STOML1: variants seen among roughly 807,000 people sequenced by gnomAD.
STOML1 encodes the protein stomatin-like protein 1.
In STOML1, 27 loss-of-function variants were observed where a neutral mutation model predicts 35.7. That is an observed-to-expected ratio of 0.76 (90% CI 0.56 to 1.04). The LOEUF (loss-of-function observed/expected upper bound fraction) is 1.04. Ranked by LOEUF, STOML1 falls within the 50% of genes least tolerant of loss-of-function variation. STOML1 has a pLI of 0.00. For synonymous variants in STOML1, 219 were observed against 227.9 expected (o/e 0.96, Z 0.35); for missense variants, 451 against 527.1 (o/e 0.86, Z 1.41).
chr15:73,988,400 G>A lies in STOML1; in HGVS notation c.594+199C>T. The A allele has an allele frequency of 1.6e-6, 1 of 638,534 alleles. No homozygotes were observed. Among genetic ancestry groups the A allele is most frequent in the Non-Finnish European group, 2.6e-6 (1 of 379,362 alleles). The allele number at this position is 638,534 out of a possible 1,614,324, so 39.6% of individuals were successfully genotyped here. On this transcript the variant is annotated intron_variant, in intron 4 of 6. Coordinates refer to ENST00000541638, the MANE Select transcript of STOML1 (RefSeq NM_004809.5). This position sits in a 1 kb window ranked among gnomAD's most constrained non-coding sequence, Gnocchi z 4.8. The stretch of plus-strand genomic sequence containing the variant: ...TCTTCTCAGGGACAAGTTTGCCCAG[G>A]ATCGTTATGGTCTACGCCCACCTGC...
Position 73,989,042 on chromosome 15 carries a change from T to C in STOML1, c.390+66A>G, listed in dbSNP as rs538764734. 93 of 1,520,144 alleles carry C rather than the reference T, an allele frequency of 6.1e-5. 1 individual carries two copies. In the South Asian group the frequency reaches 1.0e-3, roughly 17 times the overall value. 94.2% of individuals were successfully genotyped at this position (1,520,144 alleles called of 1,614,324 possible). A position where few individuals can be genotyped will look rare whatever the true frequency, so the allele number is the denominator to read the frequency against. On this transcript the variant is annotated intron_variant, in intron 3 of 6. Transcript: ENST00000541638. ...GATGGTGACTCACAGGCTGAGGTCC[T>C]GGCACCACAGTACATTCTGGACAGG...
intron 4 of STOML1, 91 bp from the exon 5 acceptor site, chr15:73,985,604 T>C (rs1476083197): frequency 1.4e-6 from 2 of 1,425,412 alleles, no homozygotes; most frequent in South Asian, 1.4e-5. Context: ...TGCATGGACA[T>C]GGAGGCACCA....
chr15:73,993,315 A>G (rs2069342071), upstream of STOML1, among the ~76,000 whole-genome samples: 2 of 152,202 alleles, frequency 1.3e-5, no homozygotes, highest in Admixed American at 1.3e-4. Flanking sequence ...TTAACTTCCA[A>G]CAGGACTTTG....
In STOML1 at chr15:73,990,455, C is replaced by T. The variant is rs1472040068; in HGVS notation, c.136G>A (p.Val46Ile). Residue 46 changes from valine (V) to isoleucine (I), a missense_variant and splice_region_variant, in exon 2 of 7, where the codon GTA (valine) becomes ATA (isoleucine). Physicochemically the swap from Val to Ile is conservative, Grantham distance 29. Transcript: ENST00000541638. ...ERGGVGTGAD[V>I]PQSWPSCLCH... The stretch of plus-strand genomic sequence containing the variant: ...AGGCAGGAGGGCCAGCTCTGGGGTA[C>T]ATCTGCAGGTGAGAGCAGAGGTGGT... 3.7e-6 allele frequency: 6 copies of T among 1,610,360 alleles called. No individual in the cohort carries two copies. Among genetic ancestry groups the T allele is most frequent in the Non-Finnish European group, 5.1e-6 (6 of 1,178,476 alleles).
Position 73,979,843 on chromosome 15 carries a change from CG to C in STOML1, c.*4093del, listed in dbSNP as rs1404518811. 2 of 142,030 alleles carry C rather than the reference CG, an allele frequency of 1.4e-5. No homozygotes were observed. The highest frequency in any genetic ancestry group is 3.0e-5 in the Non-Finnish European group (2 of 66,730). The allele number at this position is 142,030 out of a possible 1,614,324, so 8.8% of individuals were successfully genotyped here. On this transcript the variant is annotated 3_prime_UTR_variant, in exon 7 of 7. Coordinates refer to ENST00000541638, the MANE Select transcript of STOML1 (RefSeq NM_004809.5). ...TCATGCCTGTAATCCTAGCAGTTAG[CG>C]GGCCAGGGCCAGGTGGGAGGATCAC...
chr15:73,984,127 CG>C lies in STOML1; in HGVS notation c.1006del (p.Arg336GlufsTer39). The stretch of plus-strand genomic sequence containing the variant: ...AGGCACCCCGTGTCCCACTCTTCCT[CG>C]TCCTGTGGGGCAAAAGAAAACCGAG... ...SAYFLDLTTG[R>X]GRVGHGVPDG... On this transcript the variant is annotated frameshift_variant and splice_region_variant, in exon 7 of 7. Coordinates refer to ENST00000541638, the MANE Select transcript of STOML1 (RefSeq NM_004809.5). LOFTEE classifies it high-confidence loss of function. 1.2e-6 allele frequency: 2 copies of C among 1,609,408 alleles called. No individual in the cohort carries two copies. The highest frequency in any genetic ancestry group is 1.7e-6 in the Non-Finnish European group (2 of 1,176,516).
chr15:73,990,514 T>A, intron 1 of STOML1, 57 bp from the exon 2 acceptor site: 1 of 1,514,078 alleles, frequency 6.6e-7, no homozygotes, highest in Non-Finnish European at 9.0e-7. Flanking sequence ...CCAAGCGGAG[T>A]GAACTTGGGC....
rs1340864957 is a variant in STOML1, at chr15:73,983,025, A to G, written c.*912T>C. On this transcript the variant is annotated 3_prime_UTR_variant, in exon 7 of 7. Coordinates refer to ENST00000541638, the MANE Select transcript of STOML1 (RefSeq NM_004809.5). ...TGTATCCCACTACAAAGAGGAACAG[A>G]ACTCCCCACCCAGCCCCACCCTTGC... 5 of 152,148 alleles carry G rather than the reference A, an allele frequency of 3.3e-5. No individual in the cohort carries two copies. The highest frequency in any genetic ancestry group is 7.3e-5 in the Non-Finnish European group (5 of 68,058). 9.4% of individuals were successfully genotyped at this position (152,148 alleles called of 1,614,324 possible). A position where few individuals can be genotyped will look rare whatever the true frequency, so the allele number is the denominator to read the frequency against.
intron 5 of STOML1, 44 bp downstream of exon 5, chr15:73,985,274 C>A (rs779480839): frequency 1.0e-5 from 15 of 1,498,976 alleles, no homozygotes; most frequent in African/African-American, 2.8e-5. Context: ...TGTGCTGGCA[C>A]CAAGCTGGTA....
chr15:73,984,703 A>T lies in STOML1; in HGVS notation c.959T>A (p.Leu320Gln). The T allele has an allele frequency of 1.9e-6, 3 of 1,614,160 alleles. 1 individual carries two copies. The South Asian group carries it at 3.3e-5, about 18-fold the overall frequency. ...GTAGGCGCTTTGGGTGCCGCTGGGCAGGACGACATTGAACTGGTAGCAGGC... is the reference window on the plus strand; with the variant it reads ...GTAGGCGCTTTGGGTGCCGCTGGGCTGGACGACATTGAACTGGTAGCAGGC... Reference protein sequence around the residue: ...VGACYQFNVVLPSGTQSAYFL... With the variant: ...VGACYQFNVVQPSGTQSAYFL... Residue 320 changes from leucine to glutamine, a missense_variant, in exon 6 of 7, where the codon CTG (leucine) becomes CAG (glutamine). Leu to Gln is a moderately radical substitution (Grantham distance 113). Coordinates refer to ENST00000541638, the MANE Select transcript of STOML1 (RefSeq NM_004809.5).
intron 2 of STOML1, 97 bp from the exon 3 acceptor site, chr15:73,989,354 T>C: frequency 7.4e-7 from 1 of 1,344,510 alleles, no homozygotes. Flanking sequence ...CCTCCTCACC[T>C]GGGTCACAGT....
intron 4 of STOML1, chr15:73,986,135 G>A (rs2069092698): frequency 6.5e-6 from 1 of 153,732 alleles, no homozygotes; most frequent in East Asian, 1.9e-4. Flanking sequence ...GGGGAGCTGT[G>A]AAGCCAAGAT....
chr15:73,991,060 A>G (rs1412959616), intron 1 of STOML1: 8 of 1,314,866 alleles, frequency 6.1e-6, no homozygotes, highest in Non-Finnish European at 7.8e-6. Flanking sequence ...AAAAATGCCT[A>G]TTTCACGAGA....
intron 1 of STOML1, 96 bp from the exon 2 acceptor site, chr15:73,990,553 G>A: frequency 2.6e-6 from 3 of 1,145,916 alleles, no homozygotes; most frequent in Non-Finnish European, 3.8e-6. Flanking sequence ...CCTTCCCCTC[G>A]AGAGGCTCCT....
upstream of STOML1, among the ~76,000 whole-genome samples, chr15:73,994,368 G>T (rs946836110): frequency 1.3e-5 from 2 of 152,226 alleles, no homozygotes; most frequent in Non-Finnish European, 2.9e-5. Flanking sequence ...GTCTCCGTTT[G>T]CAGGCTTGCT....
intron 2 of STOML1, 29 bp from the exon 3 acceptor site, chr15:73,989,286 A>C: frequency 6.4e-7 from 1 of 1,557,288 alleles, no homozygotes; most frequent in Non-Finnish European, 8.7e-7. Flanking sequence ...GAAAGAGTTG[A>C]AAGTGGTCAG....
chr15:73,991,396 C>A (rs753945048), intron 1 of STOML1, among the ~76,000 whole-genome samples: 84 of 152,250 alleles, frequency 5.5e-4, no homozygotes, highest in Non-Finnish European at 5.6e-4. Flanking sequence ...GCCCTCTGGG[C>A]TAAGCCCCAG....
chr15:73,992,018 C>G (rs2069292688), intron 1 of STOML1, 73 bp downstream of exon 1: 6 of 1,476,386 alleles, frequency 4.1e-6, no homozygotes, highest in Middle Eastern at 2.4e-4. Flanking sequence ...GCCGACTCCT[C>G]GGAGGCAGAG....
rs1357675042 is a variant in STOML1 at position 73,979,971 on chromosome 15, G to A, written c.*3966C>T. 2.0e-5 allele frequency: 3 copies of A among 148,476 alleles called. No individual in the cohort carries two copies. Among genetic ancestry groups the A allele is most frequent in the Non-Finnish European group, 4.5e-5 (3 of 67,384 alleles). The allele number at this position is 148,476 out of a possible 1,614,324, so 9.2% of individuals were successfully genotyped here. A position where few individuals can be genotyped will look rare whatever the true frequency, so the allele number is the denominator to read the frequency against. On this transcript the variant is annotated 3_prime_UTR_variant, in exon 7 of 7. Transcript: ENST00000541638. ...GGTGATCCTTTAAGCCTGGGAGGTT[G>A]AGGCTGCAGTGAGCCACAATCACTG...
Sources: gnomAD v4.1 joint callset for allele counts (sites outside exome capture counted in the v4.1 genomes callset) on GRCh38, gnomAD v4.1.1 for gene constraint, Gnocchi (gnomAD v3.1) non-coding constraint, MANE v1.5 for transcripts, NCBI Gene and HGNC (gene_info 2026-07-23, HGNC 2026-07-21) for gene names.